The following MTHFSD variants were observed in gnomAD, a reference collection of about 807,000 sequenced individuals.
The protein encoded by MTHFSD is methenyltetrahydrofolate synthetase domain containing, also known as methenyltetrahydrofolate synthase domain-containing protein.
In MTHFSD, 37 loss-of-function variants were observed where a neutral mutation model predicts 31.1. The observed-to-expected ratio is 1.19, with a 90% CI of 0.91 to 1.56. The LOEUF (loss-of-function observed/expected upper bound fraction) is 1.56, where lower values mean the gene tolerates loss of function less well. MTHFSD is among the 40% of genes most tolerant of loss of function. The pLI, the probability that MTHFSD is intolerant of heterozygous loss-of-function variation, is 0.00. For missense variants in MTHFSD, 664 were observed against 510.1 expected (o/e 1.30, Z -2.91); for synonymous variants, 221 against 206.9 (o/e 1.07, Z -0.59).
Position 86,532,340 on chromosome 16 carries a change from CACTCAGGGGCA to C in MTHFSD, c.812_822del (p.Val271GlyfsTer47), listed in dbSNP as rs1296484800. The C allele has an allele frequency of 3.1e-6, 5 of 1,592,394 alleles. No homozygotes were observed. The highest frequency in any genetic ancestry group is 3.5e-5 in the Admixed American group (2 of 56,944). On this transcript the variant is annotated frameshift_variant, in exon 8 of 8. Transcript: ENST00000360900. LOFTEE classifies it low-confidence loss of function (END_TRUNC). The stretch of plus-strand genomic sequence containing the variant: ...GGTGTGTCCGGGGGCCTCCTGCCAA[CACTCAGGGGCA>C]CTGTCTGCTGGCAGCCTGGTTCCGG...
intron 2 of MTHFSD, 80 bp downstream of exon 2, chr16:86,554,565 G>T (rs1164566652): frequency 6.4e-6 from 7 of 1,101,926 alleles, no homozygotes; most frequent in East Asian, 2.4e-5. Flanking sequence ...CCATGACGCA[G>T]TAAGAGAATT....
intron 7 of MTHFSD, chr16:86,535,214 T>C (rs1970516770): frequency 2.0e-6 from 2 of 983,210 alleles, no homozygotes; most frequent in Admixed American, 6.2e-5. Flanking sequence ...CAGGGGCCGT[T>C]AGAATGGAAA....
rs781526627 is a variant in MTHFSD, at chr16:86,532,271, G to A, written c.892C>T (p.Pro298Ser). ...NSMEAAPGSP[P>S]GEGAPLAADV... ...GCTGCAAGCGGGGCACCCTCCCCTG[G>A]TGGGGAGCCAGGGGCTGCCTCCATG... is the stretch of plus-strand genomic sequence containing the variant. The change falls in exon 8 of 8, where the codon CCA becomes TCA. Residue 298 changes from proline to serine, a missense_variant. Pro to Ser is a moderately conservative substitution (Grantham distance 74). Transcript: ENST00000360900. The A allele has an allele frequency of 1.2e-5, 19 of 1,567,892 alleles. No individual in the cohort carries two copies. Among genetic ancestry groups the A allele is most frequent in the Non-Finnish European group, 1.6e-5 (18 of 1,159,672 alleles).
chr16:86,535,997 G>C (rs115090286), intron 7 of MTHFSD, among the ~76,000 whole-genome samples: 1 of 152,094 alleles, frequency 6.6e-6, no homozygotes, highest in South Asian at 2.1e-4. Context: ...ACTACATGTG[G>C]GCACTCACCA....
At chr16:86,544,736 A>C (rs980441533) in intron 5 of MTHFSD, among the ~76,000 whole-genome samples, 1 of 152,212 alleles carries the variant, frequency 6.6e-6, no homozygotes, top group Non-Finnish European at 1.5e-5. Flanking sequence ...AAATCATTCT[A>C]CTCTAAAGAC....
chr16:86,537,889 G>T (rs187187553), intron 7 of MTHFSD, among the ~76,000 whole-genome samples: 49 of 152,348 alleles, frequency 3.2e-4, no homozygotes, highest in African/African-American at 1.2e-3. Flanking sequence ...AGGAGCAAAT[G>T]AGTTGACCCA....
At chr16:86,541,401 G>A (rs1971491750) in intron 7 of MTHFSD, 1 of 572,718 alleles carries the variant, frequency 1.7e-6, no homozygotes, top group African/African-American at 1.9e-5. Flanking sequence ...ATGAAAAACA[G>A]GGGGCAAGTA....
intron 7 of MTHFSD, among the ~76,000 whole-genome samples, chr16:86,537,631 A>C (rs1330222858): frequency 6.6e-6 from 1 of 152,192 alleles, no homozygotes; most frequent in Non-Finnish European, 1.5e-5. Flanking sequence ...TGCAGAGAAC[A>C]ATTGTGTTTT....
At chr16:86,546,677 C>T (rs1972361675) in intron 4 of MTHFSD, 28 bp from the exon 5 acceptor site, 6 of 1,563,756 alleles carry the variant, frequency 3.8e-6, no homozygotes, top group East Asian at 4.5e-5. Flanking sequence ...GATTGGAAAA[C>T]TTCAACTCCA....
intron 7 of MTHFSD, chr16:86,540,610 TCGGCTCTGAGGAGCCG>T (rs1971363535): frequency 1.1e-6 from 1 of 924,182 alleles, no homozygotes. Flanking sequence ...ATCCCTGTTC[TCGGCTCTGAGGAGCCG>T]CCAGCCTTAT....
chr16:86,538,949 C>T (rs7189413), intron 7 of MTHFSD, among the ~76,000 whole-genome samples: 4,644 of 152,232 alleles, frequency 0.031, 108 homozygotes, highest in Middle Eastern at 0.078. Context: ...GAAGAGCACA[C>T]GAGGACAGAG....
intron 7 of MTHFSD, among the ~76,000 whole-genome samples, chr16:86,537,307 AG>A (rs1970842468): frequency 6.6e-6 from 1 of 152,138 alleles, no homozygotes; most frequent in Admixed American, 6.5e-5. Context: ...TTCCATATCA[AG>A]CATGTATAAT....
At chr16:86,540,687 T>A in intron 7 of MTHFSD, 1 of 987,168 alleles carries the variant, frequency 1.0e-6, no homozygotes, top group Non-Finnish European at 1.2e-6. Context: ...TGGACCAGAG[T>A]TCCCAAGTGA....
chr16:86,547,487 G>T (rs1972493832), intron 4 of MTHFSD: 3 of 986,100 alleles, frequency 3.0e-6, no homozygotes, highest in Non-Finnish European at 3.6e-6. Context: ...ACAGAAGGGG[G>T]CTTAGTCCAG....
At position 86,532,395 on chromosome 16, in the gene MTHFSD, C is replaced by T; in HGVS notation, c.768G>A (p.Gln256=). ...GTTCCGGAAGGTGCTGGTGCTCACC[C>T]TGGAGGGTGACATCCTTCCCAGCCT... is the stretch of plus-strand genomic sequence containing the variant. The part of the protein sequence containing the change: ...EQQAGKDVTL[Q]GEHQHLPEPG... Residue 256 remains glutamine, a synonymous_variant, in exon 8 of 8, where the codon CAG becomes CAA. Coordinates refer to ENST00000360900, the MANE Select transcript of MTHFSD (RefSeq NM_001159377.2). The T allele has an allele frequency of 6.5e-7, 1 of 1,543,982 alleles. No individual in the cohort carries two copies. Among genetic ancestry groups the T allele is most frequent in the Non-Finnish European group, 8.7e-7 (1 of 1,147,006 alleles).
In MTHFSD at chr16:86,542,330, T is replaced by C. The variant is rs866178042; in HGVS notation, c.443-117A>G. The C allele has an allele frequency of 7.0e-6, 6 of 856,016 alleles. No individual in the cohort carries two copies. Among genetic ancestry groups the C allele is most frequent in the South Asian group, 3.6e-5 (2 of 56,168 alleles). 53.0% of individuals were successfully genotyped at this position (856,016 alleles called of 1,614,324 possible). A position where few individuals can be genotyped will look rare whatever the true frequency, so the allele number is the denominator to read the frequency against. ...GAACCCAATATCCCGAGCTAATCTA[T>C]AGAAATTTTCACAGAAATGCCCACC... is the stretch of plus-strand genomic sequence containing the variant. On this transcript the variant is annotated intron_variant, in intron 5 of 7. Coordinates refer to ENST00000360900, the MANE Select transcript of MTHFSD (RefSeq NM_001159377.2). The surrounding 1 kb of genome is among the most constrained non-coding windows in gnomAD (Gnocchi z 4.6).
In MTHFSD at chr16:86,552,290, G is replaced by T. The variant is rs376998762; in HGVS notation, c.124-144C>A. On this transcript the variant is annotated intron_variant, in intron 2 of 7. Transcript: ENST00000360900. ...GGAGTTGCTCGGCAGCATGAGAAGC[G>T]CCCTGTTTCCAATGCAATCGCACGT... 7 of 1,571,732 alleles carry T rather than the reference G, an allele frequency of 4.5e-6. No homozygotes were observed. In the African/African-American group the frequency reaches 8.1e-5, roughly 18 times the overall value.
chr16:86,545,517 G>A (rs1349099024), intron 5 of MTHFSD, among the ~76,000 whole-genome samples: 1 of 152,004 alleles, frequency 6.6e-6, no homozygotes, highest in Non-Finnish European at 1.5e-5. Context: ...CCTCAAGGCT[G>A]CTGAGAAGGG....
intron 7 of MTHFSD, chr16:86,533,695 G>A (rs1014057506): frequency 6.6e-6 from 1 of 152,186 alleles, no homozygotes; most frequent in East Asian, 1.9e-4. Flanking sequence ...TCCCTCCCAA[G>A]AATGACTCAC....
Sources: allele counts gnomAD v4.1 joint callset (sites outside exome capture counted in the v4.1 genomes callset), GRCh38; gene constraint gnomAD v4.1.1; non-coding constraint Gnocchi (gnomAD v3.1); transcripts MANE v1.5; gene names NCBI Gene and HGNC (gene_info 2026-07-23, HGNC 2026-07-21).